NAV3: variants seen among roughly 807,000 people sequenced by gnomAD.
NAV3 encodes the protein pore membrane and/or filament interacting like protein 1.
Under a neutral mutation model 244.7 loss-of-function variants are expected in NAV3, and 87 were observed. The observed-to-expected ratio is 0.36, with a 90% CI of 0.30 to 0.42. The LOEUF is 0.42. Ranked by LOEUF, NAV3 falls within the 20% of genes least tolerant of loss-of-function variation. The pLI is 1.00. For missense variants in NAV3, 2,663 were observed against 2,893.3 expected (o/e 0.92, Z 1.83); for synonymous variants, 1,126 against 1,042.2 (o/e 1.08, Z -1.55).
chr12:78,023,741 C>T (rs1467243939), intron 9 of NAV3, among the ~76,000 whole-genome samples: 1 of 152,152 alleles, frequency 6.6e-6, no homozygotes, highest in Non-Finnish European at 1.5e-5. Flanking sequence ...ATGAGCAGGC[C>T]AGTGATAAGA....
At chr12:77,777,965 T>G (rs1213507630) in intron 2 of NAV3, among the ~76,000 whole-genome samples, 1 of 151,820 alleles carries the variant, frequency 6.6e-6, no homozygotes, top group Non-Finnish European at 1.5e-5. Flanking sequence ...ACCACAATAA[T>G]GGGCTAATTT....
intron 2 of NAV3, among the ~76,000 whole-genome samples, chr12:77,778,492 T>G (rs770626244): frequency 3.7e-4 from 56 of 151,162 alleles, no homozygotes; most frequent in Middle Eastern, 3.4e-3. Flanking sequence ...GGTGCCTGTA[T>G]TCCCAGCTAC....
intron 2 of NAV3, among the ~76,000 whole-genome samples, chr12:77,735,609 A>C (rs1441099064): frequency 2.0e-5 from 3 of 152,120 alleles, no homozygotes; most frequent in Non-Finnish European, 4.4e-5. Flanking sequence ...ATATTCCTTC[A>C]ATTTTCTGCA....
intron 15 of NAV3, among the ~76,000 whole-genome samples, chr12:78,121,359 A>G (rs920149132): frequency 1.4e-4 from 21 of 152,166 alleles, no homozygotes; most frequent in Non-Finnish European, 2.4e-4. Context: ...TCTGCTGGGG[A>G]AAATACAGAC....
Position 78,204,988 on chromosome 12 carries a change from A to G in NAV3, c.6888A>G (p.Thr2296=), listed in dbSNP as rs1280844164. The G allele has an allele frequency of 1.9e-6, 3 of 1,613,458 alleles. No homozygotes were observed. The highest frequency in any genetic ancestry group is 4.5e-5 in the East Asian group (2 of 44,826). The change falls in exon 39 of 40, where the codon ACA becomes ACG. Residue 2296 remains threonine (T), a synonymous_variant. Coordinates refer to ENST00000397909, the MANE Select transcript of NAV3 (RefSeq NM_001024383.2). The part of the protein sequence containing the change: ...WEDPSKWVLD[T]YPWSSATLPQ... ...ATCCTTCAAAGTGGGTGCTTGACAC[A>G]TATCCATGGAGCTCAGCAACTCTGC...
At chr12:77,753,415 G>A (rs1592648936) in intron 2 of NAV3, among the ~76,000 whole-genome samples, 1 of 152,054 alleles carries the variant, frequency 6.6e-6, no homozygotes, top group East Asian at 1.9e-4. Context: ...CAAAAGTGGG[G>A]CAGTAGCAAC....
At chr12:77,756,291 G>A (rs1372029016) in intron 2 of NAV3, among the ~76,000 whole-genome samples, 1 of 152,068 alleles carries the variant, frequency 6.6e-6, no homozygotes, top group Non-Finnish European at 1.5e-5. Flanking sequence ...GCATAAATAA[G>A]CTTTAGCCTA....
At chr12:77,961,541 T>C (rs1891990915) in intron 3 of NAV3, among the ~76,000 whole-genome samples, 1 of 144,730 alleles carries the variant, frequency 6.9e-6, no homozygotes, top group African/African-American at 2.5e-5. Context: ...AATATATAAC[T>C]GTATATGTAA....
At chr12:77,809,964 A>G (rs1171122903) in intron 2 of NAV3, among the ~76,000 whole-genome samples, 2 of 152,152 alleles carry the variant, frequency 1.3e-5, no homozygotes, top group Non-Finnish European at 2.9e-5. Flanking sequence ...AAATATTTTT[A>G]TTGGTTTGTC....
chr12:78,013,801 G>A (rs1325954788), intron 8 of NAV3, among the ~76,000 whole-genome samples: 1 of 152,064 alleles, frequency 6.6e-6, no homozygotes, highest in East Asian at 1.9e-4. Flanking sequence ...AATTTCTTAG[G>A]TTTGTTAAAT....
At chr12:77,800,217 G>A (rs906278161) in intron 2 of NAV3, among the ~76,000 whole-genome samples, 2 of 152,012 alleles carry the variant, frequency 1.3e-5, no homozygotes, top group African/African-American at 4.8e-5. Context: ...AAGGCCAAAA[G>A]GGAAAAGGGG....
chr12:77,945,807 G>A (rs1395785986), intron 3 of NAV3, among the ~76,000 whole-genome samples: 1 of 151,826 alleles, frequency 6.6e-6, no homozygotes, highest in African/African-American at 2.4e-5. Flanking sequence ...GAGTAAAATG[G>A]TGTGATCGTG....
intron 2 of NAV3, among the ~76,000 whole-genome samples, chr12:77,704,400 A>C (rs995434739): frequency 8.5e-5 from 13 of 152,172 alleles, no homozygotes; most frequent in Admixed American, 8.5e-4. Context: ...TTTGAAGAAC[A>C]AATGAAAGCT....
intron 2 of NAV3, among the ~76,000 whole-genome samples, chr12:77,717,576 A>G (rs1592612969): frequency 1.3e-5 from 2 of 152,068 alleles, no homozygotes; most frequent in Admixed American, 6.5e-5. Flanking sequence ...TAATGTTGCA[A>G]TGCTGCAAAA....
intron 2 of NAV3, among the ~76,000 whole-genome samples, chr12:77,663,660 T>A (rs2137047570): frequency 6.6e-6 from 1 of 152,282 alleles, no homozygotes; most frequent in Admixed American, 6.5e-5. Flanking sequence ...TAGCTGGAAT[T>A]ACAGGCCTGC....
chr12:78,078,215 A>C (rs1953151680), intron 12 of NAV3, among the ~76,000 whole-genome samples: 1 of 152,112 alleles, frequency 6.6e-6, no homozygotes, highest in Admixed American at 6.5e-5. Flanking sequence ...TCTCCAAGTA[A>C]GGTCATATTC....
intron 1 of NAV3, among the ~76,000 whole-genome samples, chr12:77,922,651 CAACCAGA>C (rs1406612626): frequency 1.3e-5 from 2 of 152,116 alleles, no homozygotes; most frequent in Admixed American, 1.3e-4. Flanking sequence ...CTGTGTTCCT[CAACCAGA>C]AACTTCTTGT....
At chr12:78,042,563 C>T (rs1881048077) in intron 9 of NAV3, among the ~76,000 whole-genome samples, 1 of 151,712 alleles carries the variant, frequency 6.6e-6, no homozygotes, top group African/African-American at 2.4e-5. Flanking sequence ...GAGGCCAAGG[C>T]AGGTGGATCA....
intron 3 of NAV3, among the ~76,000 whole-genome samples, chr12:77,961,550 AAT>A (rs1891993319): frequency 2.8e-5 from 4 of 144,428 alleles, no homozygotes; most frequent in Admixed American, 1.4e-4. Context: ...CTGTATATGT[AAT>A]ATATATTATT....
Sources: allele counts gnomAD v4.1 joint callset (sites outside exome capture counted in the v4.1 genomes callset), GRCh38; gene constraint gnomAD v4.1.1; transcripts MANE v1.5; gene names NCBI Gene and HGNC (gene_info 2026-07-23, HGNC 2026-07-21).